Variants in ATP11C observed in about 807,000 individuals in gnomAD.
ATP11C encodes the protein ATPase phospholipid transporting 11C (ATP11C blood group), also known as phospholipid-transporting ATPase IG.
Under a neutral mutation model 97.4 loss-of-function variants are expected in ATP11C, and 36 were observed. The observed-to-expected ratio is 0.37, with a 90% CI of 0.28 to 0.49. The LOEUF is 0.49. Among genes scored for constraint, ATP11C ranks in the 20% least tolerant of loss-of-function variants. The pLI is 0.98. For missense variants in ATP11C, 730 were observed against 824.6 expected (o/e 0.89, Z 1.40); for synonymous variants, 275 against 290.9 (o/e 0.95, Z 0.56).
intron 12 of ATP11C, among the ~76,000 whole-genome samples, chrX:139,792,477 C>T (rs2082710072): frequency 9.0e-6 from 1 of 110,840 alleles, no homozygotes; most frequent in Non-Finnish European, 1.9e-5. Context: ...CAATCAGAAG[C>T]ATACGTTACA....
intron 12 of ATP11C, among the ~76,000 whole-genome samples, chrX:139,791,718 G>A (rs186695646): frequency 3.6e-5 from 4 of 110,807 alleles, no homozygotes; most frequent in African/African-American, 9.8e-5. Flanking sequence ...AAGAAGAGGA[G>A]TAGATCGACT....
At chrX:139,751,459 A>T (rs2081813778) in intron 23 of ATP11C, among the ~76,000 whole-genome samples, 1 of 112,784 alleles carries the variant, frequency 8.9e-6, no homozygotes, top group South Asian at 3.7e-4. Context: ...TACAAAAAAA[A>T]GTGTTGCATT....
intron 21 of ATP11C, among the ~76,000 whole-genome samples, chrX:139,762,770 T>C (rs1206869800): frequency 2.7e-5 from 3 of 109,974 alleles, no homozygotes; most frequent in African/African-American, 1.0e-4. Flanking sequence ...GAGTTAGTTG[T>C]GTTGCCTAAT....
At chrX:139,921,055 G>A (rs1181800919) in intron 1 of ATP11C, among the ~76,000 whole-genome samples, 1 of 111,663 alleles carries the variant, frequency 9.0e-6, no homozygotes, top group East Asian at 2.8e-4. Flanking sequence ...CTAGGAGGGG[G>A]ATGGTGCCAT....
intron 1 of ATP11C, among the ~76,000 whole-genome samples, chrX:139,870,972 C>T (rs1850147390): frequency 1.0e-5 from 1 of 100,338 alleles, no homozygotes; most frequent in African/African-American, 3.7e-5. Flanking sequence ...AGGAGAATGG[C>T]GTGAACCCGG....
At chrX:139,911,376 T>A (rs1381741274) in intron 1 of ATP11C, among the ~76,000 whole-genome samples, 1 of 112,016 alleles carries the variant, frequency 8.9e-6, no homozygotes, top group East Asian at 2.8e-4. Context: ...CAAAAATGTT[T>A]AACTTCATTA....
In ATP11C at chrX:139,734,512, T is replaced by A. The variant is rs2081405809; in HGVS notation, c.3289-2757A>T. On this transcript the variant is annotated intron_variant, in intron 28 of 29. Transcript: ENST00000682941. The stretch of plus-strand genomic sequence containing the variant: ...ACAGGATATGTGGAAATTTCTCCAT[T>A]GGAAATGTGAAATGGTATTTGCTAC... Among the ~76,000 whole-genome samples, 3 of 111,882 alleles carry A rather than the reference T, an allele frequency of 2.7e-5. No homozygotes were observed. In the Admixed American group the frequency reaches 2.8e-4, roughly 11 times the overall value.
chrX:139,733,279 G>A (rs2081382164), intron 28 of ATP11C, among the ~76,000 whole-genome samples: 1 of 111,339 alleles, frequency 9.0e-6, no homozygotes, highest in Admixed American at 9.5e-5. Context: ...TTCTGATTCT[G>A]TGCCTGAAAT....
chrX:139,931,746 A>G (rs2085438129), intron 1 of ATP11C, among the ~76,000 whole-genome samples: 1 of 111,147 alleles, frequency 9.0e-6, no homozygotes, highest in Non-Finnish European at 1.9e-5. Context: ...CCCAGCCCGA[A>G]GGCGGCCCCC....
chrX:139,821,452 CCAA>C (rs1289875314), intron 2 of ATP11C, among the ~76,000 whole-genome samples: 3 of 112,272 alleles, frequency 2.7e-5, no homozygotes, highest in African/African-American at 9.7e-5. Flanking sequence ...AAGCTAAACT[CCAA>C]CAACAGGCTA....
intron 1 of ATP11C, among the ~76,000 whole-genome samples, chrX:139,870,116 GT>G (rs2084350270): frequency 9.0e-6 from 1 of 111,312 alleles, no homozygotes; most frequent in African/African-American, 3.3e-5. Flanking sequence ...CAATAGATAT[GT>G]TTATTACTTT....
rs1169824707 is a variant in ATP11C at position 139,890,814 on chromosome X, A to T, written c.27+41202T>A. On this transcript the variant is annotated intron_variant, in intron 1 of 29. Coordinates refer to ENST00000682941, the MANE Select transcript of ATP11C (RefSeq NM_001353812.2). ...CCAACAGGCTGGAGTACGCCATAACAGAAGAGGAAAATCAGACTTGTGATT... is the reference window on the plus strand; with the variant it reads ...CCAACAGGCTGGAGTACGCCATAACTGAAGAGGAAAATCAGACTTGTGATT... Among the ~76,000 whole-genome samples the T allele has an allele frequency of 2.7e-5, 3 of 111,161 alleles. No homozygotes were observed. In the East Asian group the frequency reaches 8.5e-4, roughly 32 times the overall value.
intron 1 of ATP11C, among the ~76,000 whole-genome samples, chrX:139,849,488 C>T (rs752778632): frequency 1.8e-5 from 2 of 111,751 alleles, no homozygotes; most frequent in Admixed American, 1.9e-4. Context: ...ATGCCATTAA[C>T]ATCTAGAGCA....
At chrX:139,782,001 A>G (rs28434424) in intron 18 of ATP11C, among the ~76,000 whole-genome samples, 6,524 of 111,299 alleles carry the variant, frequency 0.059, 448 homozygotes, top group African/African-American at 0.2. Flanking sequence ...AAACTGATTC[A>G]TTCTTCTAGG....
chrX:139,932,189 C>CT lies in ATP11C; in HGVS notation c.-148dup, dbSNP rs2085449226. 3 of 357,673 alleles carry CT rather than the reference C, an allele frequency of 8.4e-6. No individual in the cohort carries two copies. Among genetic ancestry groups the CT allele is most frequent in the Admixed American group, 8.2e-5 (1 of 12,207 alleles). The allele number at this position is 357,673 out of a possible 1,213,427, so 29.5% of individuals were successfully genotyped here. ...GGCCACCCGCTCGCCGCCTGCCCCC[C>CT]TCGGCTCTCCGCGCTCCCCCGCCCC... On this transcript the variant is annotated 5_prime_UTR_variant, in exon 1 of 30. Transcript: ENST00000682941.
intron 1 of ATP11C, among the ~76,000 whole-genome samples, chrX:139,887,461 C>T (rs1358001521): frequency 9.2e-6 from 1 of 108,853 alleles, no homozygotes; most frequent in African/African-American, 3.4e-5. Flanking sequence ...CCTGTTTCTA[C>T]AAAAAAAACC....
At chrX:139,833,984 T>C (rs1359630659) in intron 1 of ATP11C, among the ~76,000 whole-genome samples, 1 of 111,660 alleles carries the variant, frequency 9.0e-6, no homozygotes, top group Non-Finnish European at 1.9e-5. Flanking sequence ...GTTAACAAAC[T>C]ATAGGAATAT....
chrX:139,768,247 T>C lies in ATP11C; in HGVS notation c.2391+13A>G, dbSNP rs2082177921. The C allele has an allele frequency of 2.9e-6, 3 of 1,047,645 alleles. No homozygotes were observed. The highest frequency in any genetic ancestry group is 1.9e-5 in the African/African-American group (1 of 52,763). 86.3% of individuals were successfully genotyped at this position (1,047,645 alleles called of 1,213,427 possible). A position where few individuals can be genotyped will look rare whatever the true frequency, so the allele number is the denominator to read the frequency against. On this transcript the variant is annotated intron_variant, in intron 20 of 29. Transcript: ENST00000682941. The stretch of plus-strand genomic sequence containing the variant: ...GTATCCAGAATGGAACGTTAACTAA[T>C]ATTCACAGTTACCTGGGCTTTCTGT...
In ATP11C at chrX:139,763,262, C is replaced by A. The variant is rs769890828; in HGVS notation, c.2494+54G>T. On this transcript the variant is annotated intron_variant, in intron 21 of 29. Coordinates refer to ENST00000682941, the MANE Select transcript of ATP11C (RefSeq NM_001353812.2). Reference sequence around the variant, plus strand: ...ACTCTAGAATGTAAGACCACACTACCTAAAAGCAATACTGATACTTTTCAC... The same window carrying A: ...ACTCTAGAATGTAAGACCACACTACATAAAAGCAATACTGATACTTTTCAC... 19 of 985,370 alleles carry A rather than the reference C, an allele frequency of 1.9e-5. No individual in the cohort carries two copies. In the African/African-American group the frequency reaches 3.4e-4, roughly 18 times the overall value. The allele number at this position is 985,370 out of a possible 1,213,427, so 81.2% of individuals were successfully genotyped here. A position where few individuals can be genotyped will look rare whatever the true frequency, so the allele number is the denominator to read the frequency against.
Sources: allele counts gnomAD v4.1 joint callset (sites outside exome capture counted in the v4.1 genomes callset), GRCh38; gene constraint gnomAD v4.1.1; transcripts MANE v1.5; gene names NCBI Gene and HGNC (gene_info 2026-07-23, HGNC 2026-07-21).